The following GRIK1 variants were observed in gnomAD, a reference collection of about 807,000 sequenced individuals.
The protein encoded by GRIK1 is glutamate receptor ionotropic, kainate 1.
GRIK1 carries 69 observed loss-of-function variants against 105.7 expected under a neutral mutation model. The observed-to-expected ratio is 0.65, with a 90% CI of 0.54 to 0.80. GRIK1 has a LOEUF of 0.80. GRIK1 is among the 30% of genes least tolerant of loss of function. The pLI is 0.00. For synonymous variants in GRIK1, 438 were observed against 431.3 expected (o/e 1.02, Z -0.19); for missense variants, 1,109 against 1,167.3 (o/e 0.95, Z 0.73).
chr21:29,780,311 A>G (rs934707636), intron 1 of GRIK1, among the ~76,000 whole-genome samples: 1 of 152,218 alleles, frequency 6.6e-6, no homozygotes, highest in Non-Finnish European at 1.5e-5. Context: ...TATATTTTGG[A>G]TTTAAGCTAA....
intron 16 of GRIK1, among the ~76,000 whole-genome samples, chr21:29,552,764 T>C (rs969756510): frequency 6.6e-6 from 1 of 152,140 alleles, no homozygotes; most frequent in African/African-American, 2.4e-5. Context: ...TTGAAAAATA[T>C]CACCATTCCT....
chr21:29,593,078 G>C (rs2061355386), intron 9 of GRIK1, among the ~76,000 whole-genome samples: 2 of 152,162 alleles, frequency 1.3e-5, no homozygotes, highest in South Asian at 4.1e-4. Context: ...AGACATCAAT[G>C]CTTTGAAAAA....
At chr21:29,761,184 G>A (rs1476495943) in intron 1 of GRIK1, 5 of 152,238 alleles carry the variant, frequency 3.3e-5, no homozygotes, top group African/African-American at 7.2e-5. Flanking sequence ...GCCCCTAGGA[G>A]CCACAGTGCC....
chr21:29,865,211 T>C (rs1470298337), intron 1 of GRIK1, among the ~76,000 whole-genome samples: 1 of 152,204 alleles, frequency 6.6e-6, no homozygotes, highest in African/African-American at 2.4e-5. Flanking sequence ...AGTAGCACCA[T>C]GATTCAAAAA....
In GRIK1 at chr21:29,900,835, A is replaced by G. The variant is rs377762307; in HGVS notation, c.118+38548T>C. On this transcript the variant is annotated intron_variant, in intron 1 of 17. Coordinates refer to ENST00000327783, the MANE Select transcript of GRIK1 (RefSeq NM_001330994.2). ...TCTACCCCAAATCAGCAAAATATAT[A>G]TTCTTCTCAGCACCACATCACACTT... Among the ~76,000 whole-genome samples, 313 of 152,312 alleles carry G rather than the reference A, an allele frequency of 2.1e-3. 2 individuals are homozygous for G. The highest frequency in any genetic ancestry group is 7.1e-3 in the African/African-American group (297 of 41,566).
intron 4 of GRIK1, 65 bp downstream of exon 4, chr21:29,672,918 G>A: frequency 8.6e-7 from 1 of 1,158,154 alleles, no homozygotes; most frequent in Non-Finnish European, 1.2e-6. Flanking sequence ...AAAACTAGAT[G>A]GCATTTTTGA....
chr21:29,704,616 C>G (rs2063870468), intron 1 of GRIK1, among the ~76,000 whole-genome samples: 1 of 152,186 alleles, frequency 6.6e-6, no homozygotes, highest in Non-Finnish European at 1.5e-5. Context: ...TAACACTATG[C>G]CTCACAAAGT....
intron 1 of GRIK1, among the ~76,000 whole-genome samples, chr21:29,740,544 C>G (rs758539701): frequency 6.6e-6 from 1 of 152,086 alleles, no homozygotes; most frequent in Non-Finnish European, 1.5e-5. Context: ...CTCACAACCA[C>G]CCCATGAGGC....
At chr21:29,807,196 C>T (rs1357499189) in intron 1 of GRIK1, among the ~76,000 whole-genome samples, 6 of 152,136 alleles carry the variant, frequency 3.9e-5, no homozygotes, top group Non-Finnish European at 1.5e-5. Flanking sequence ...TGTTCATGAC[C>T]TGGTAATTAA....
intron 3 of GRIK1, among the ~76,000 whole-genome samples, chr21:29,681,255 A>C (rs2063369284): frequency 6.6e-6 from 1 of 152,218 alleles, no homozygotes; most frequent in Non-Finnish European, 1.5e-5. Flanking sequence ...ACTACTGCAG[A>C]ATGTTACTCT....
intron 3 of GRIK1, among the ~76,000 whole-genome samples, chr21:29,684,355 C>T (rs2063445081): frequency 1.3e-5 from 2 of 152,048 alleles, no homozygotes; most frequent in Non-Finnish European, 2.9e-5. Flanking sequence ...CACTATTTAT[C>T]AACTATCTAT....
At chr21:29,934,405 T>A (rs937247525) in intron 1 of GRIK1, among the ~76,000 whole-genome samples, 1 of 152,172 alleles carries the variant, frequency 6.6e-6, no homozygotes, top group Non-Finnish European at 1.5e-5. Flanking sequence ...TTAACGTTAG[T>A]CAGGCACTCC....
At chr21:29,731,037 C>T (rs1307193061) in intron 1 of GRIK1, among the ~76,000 whole-genome samples, 1 of 152,040 alleles carries the variant, frequency 6.6e-6, no homozygotes, top group Non-Finnish European at 1.5e-5. Flanking sequence ...ATGGGTTCCC[C>T]TTAAAGATTC....
rs79550083 is a variant in GRIK1, at chr21:29,630,442, G to A, written c.1098+12384C>T. 3,833 of 455,812 alleles carry A rather than the reference G, an allele frequency of 8.4e-3. 142 individuals are homozygous for A. Among genetic ancestry groups the A allele is most frequent in the African/African-American group, 0.073 (3,569 of 49,034 alleles). The allele number at this position is 455,812 out of a possible 1,614,324, so 28.2% of individuals were successfully genotyped here. On this transcript the variant is annotated intron_variant, in intron 7 of 17. Transcript: ENST00000327783. ...TCAATTGACTTTGACTTAATAAAAA[G>A]TACGATTATCCTGCAGGGGAGGGCT... is the stretch of plus-strand genomic sequence containing the variant.
intron 1 of GRIK1, among the ~76,000 whole-genome samples, chr21:29,808,818 GC>G (rs1236525595): frequency 3.3e-5 from 5 of 152,068 alleles, no homozygotes; most frequent in South Asian, 2.1e-4. Flanking sequence ...ATTTTCCTTA[GC>G]CCCCCATGTT....
chr21:29,667,003 A>G (rs1190159886), intron 4 of GRIK1, among the ~76,000 whole-genome samples: 1 of 152,240 alleles, frequency 6.6e-6, no homozygotes, highest in Admixed American at 6.5e-5. Flanking sequence ...TAAAAATTAA[A>G]TGACTGATGC....
At chr21:29,912,355 G>C (rs2070847387) in intron 1 of GRIK1, among the ~76,000 whole-genome samples, 1 of 151,898 alleles carries the variant, frequency 6.6e-6, no homozygotes, top group African/African-American at 2.4e-5. Context: ...TCAGCCCCAA[G>C]ATAACCTCTC....
chr21:29,884,166 ATAT>A (rs2069524380), intron 1 of GRIK1, among the ~76,000 whole-genome samples: 1 of 152,056 alleles, frequency 6.6e-6, no homozygotes, highest in Admixed American at 6.6e-5. Flanking sequence ...ATGAGCAAAC[ATAT>A]TATATTTAAT....
intron 1 of GRIK1, among the ~76,000 whole-genome samples, chr21:29,856,785 G>C (rs1190533307): frequency 1.3e-5 from 2 of 152,192 alleles, no homozygotes; most frequent in East Asian, 1.9e-4. Flanking sequence ...GAGAGAGGCA[G>C]GTAGCTTACA....
Sources: allele counts gnomAD v4.1 joint callset (sites outside exome capture counted in the v4.1 genomes callset), GRCh38; gene constraint gnomAD v4.1.1; transcripts MANE v1.5; gene names NCBI Gene and HGNC (gene_info 2026-07-23, HGNC 2026-07-21).